The following RP1L1 variants were observed in gnomAD, a reference collection of about 807,000 sequenced individuals.
RP1L1 encodes the protein retinitis pigmentosa 1-like 1 protein.
Under a neutral mutation model 15.7 loss-of-function variants are expected in RP1L1, and 27 were observed. The observed-to-expected ratio is 1.72, with a 90% CI of 1.27 to 2.38. The LOEUF (loss-of-function observed/expected upper bound fraction) is 2.38, where lower values mean the gene tolerates loss of function less well. RP1L1 is among the 30% of genes most tolerant of loss of function. The probability of loss-of-function intolerance (pLI) is 0.00; values close to 1 mark genes in which losing one functional copy is unlikely to be tolerated. For synonymous variants in RP1L1, 1,813 were observed against 1,276.7 expected (o/e 1.42, Z -8.96); for missense variants, 4,798 against 3,075.9 (o/e 1.56, Z -13.24).
At chr8:10,637,307 T>C (rs993126391) in intron 1 of RP1L1, among the ~76,000 whole-genome samples, 5 of 152,198 alleles carry the variant, frequency 3.3e-5, no homozygotes, top group African/African-American at 1.2e-4. Context: ...AGCACAGGAT[T>C]TCCTCCAGTA....
At chr8:10,637,898 C>G (rs887138237) in intron 1 of RP1L1, among the ~76,000 whole-genome samples, 1 of 152,212 alleles carries the variant, frequency 6.6e-6, no homozygotes, top group Non-Finnish European at 1.5e-5. Flanking sequence ...TTTCAGGACT[C>G]TGTATCCTTC....
In RP1L1 at chr8:10,618,663, A is replaced by G. The variant is rs535141480; in HGVS notation, c.610-2076T>C. On this transcript the variant is annotated intron_variant, in intron 2 of 3. Transcript: ENST00000382483. ...GCTGAGATTGGGCCACAGCACTCCAAACTGGGCAACAGAACCAGACCCTGT... is the reference window on the plus strand; with the variant it reads ...GCTGAGATTGGGCCACAGCACTCCAGACTGGGCAACAGAACCAGACCCTGT... Among the ~76,000 whole-genome samples, 30 of 152,264 alleles carry G rather than the reference A, an allele frequency of 2.0e-4. 1 individual carries two copies. Among genetic ancestry groups the G allele is most frequent in the African/African-American group, 7.2e-4 (30 of 41,544 alleles).
intron 1 of RP1L1, among the ~76,000 whole-genome samples, chr8:10,629,492 G>C (rs1474019357): frequency 2.6e-5 from 4 of 152,184 alleles, no homozygotes; most frequent in Non-Finnish European, 5.9e-5. Flanking sequence ...GGATTGGCCA[G>C]GGTTTCCTTG....
At position 10,622,679 on chromosome 8, in the gene RP1L1, T is replaced by A; in HGVS notation, c.523A>T (p.Thr175Ser). Reference sequence around the variant, plus strand: ...CCGAGAAAGGCGGCCAGGTTCCTAGTATTCCTGTGACTGAGAACCACTGTC... The same window carrying A: ...CCGAGAAAGGCGGCCAGGTTCCTAGAATTCCTGTGACTGAGAACCACTGTC... ...QQTVVLSHRN[T>S]RNLAAFLGKA... Residue 175 changes from threonine (T) to serine (S), a missense_variant, in exon 2 of 4, where the codon ACT becomes TCT. Thr to Ser is a moderately conservative substitution (Grantham distance 58, BLOSUM62 1). Transcript: ENST00000382483. The A allele has an allele frequency of 1.2e-6, 2 of 1,614,176 alleles. No homozygotes were observed. The highest frequency in any genetic ancestry group is 1.7e-6 in the Non-Finnish European group (2 of 1,180,028).
In RP1L1 at chr8:10,606,968, G is replaced by C; in HGVS notation, c.7130C>G (p.Ala2377Gly). The C allele has an allele frequency of 1.2e-6, 2 of 1,614,224 alleles. No individual in the cohort carries two copies. The highest frequency in any genetic ancestry group is 8.5e-7 in the Non-Finnish European group (1 of 1,180,036). ...SEGYDLQEDQALGSLAPTEAV... is the reference protein window; with the variant it reads ...SEGYDLQEDQGLGSLAPTEAV... ...CTCAGTGGGGGCGAGACTTCCGAGT[G>C]CCTGGTCCTCTTGTAGGTCATAACC... The change falls in exon 4 of 4, where the codon GCA becomes GGA. Residue 2377 changes from alanine (A) to glycine (G), a missense_variant. Physicochemically the swap from Ala to Gly is moderately conservative, Grantham distance 60. Transcript: ENST00000382483.
At position 10,609,020 on chromosome 8, in the gene RP1L1, A is replaced by C; in HGVS notation, c.5078T>G (p.Leu1693Arg). ...AGTGTGTTCTCCCCTCTTCCTCTGC[A>C]GAATCTGCTGCAGGTCAAAGGCCTC... ...IKEAFDLQQILQRKRGEHTDG... is the reference protein window; with the variant it reads ...IKEAFDLQQIRQRKRGEHTDG... The change falls in exon 4 of 4, where the codon CTG (leucine) becomes CGG (arginine). Residue 1693 changes from leucine to arginine, a missense_variant. Physicochemically the swap from Leu to Arg is moderately radical, Grantham distance 102. Coordinates refer to ENST00000382483, the MANE Select transcript of RP1L1 (RefSeq NM_178857.6). 1 of 1,613,522 alleles carries C rather than the reference A, an allele frequency of 6.2e-7. No individual in the cohort carries two copies. Among genetic ancestry groups the C allele is most frequent in the Non-Finnish European group, 8.5e-7 (1 of 1,179,502 alleles).
At position 10,612,301 on chromosome 8, in the gene RP1L1, C is replaced by G; in HGVS notation, c.1797G>C (p.Glu599Asp). 6.2e-7 allele frequency: 1 copy of G among 1,613,252 alleles called. No homozygotes were observed. Among genetic ancestry groups the G allele is most frequent in the Non-Finnish European group, 8.5e-7 (1 of 1,180,028 alleles). Residue 599 changes from glutamate (E) to aspartate (D), a missense_variant, in exon 4 of 4, where the codon GAG becomes GAC. By Grantham distance (45) the Glu-to-Asp change is conservative. Coordinates refer to ENST00000382483, the MANE Select transcript of RP1L1 (RefSeq NM_178857.6). ...LQAETQGQGT[E>D]QATGAAVTRE... Reference sequence around the variant, plus strand: ...TTGTCACAGCCGCTCCCGTGGCCTGCTCGGTGCCCTGTCCTTGCGTCTCTG... The same window carrying G: ...TTGTCACAGCCGCTCCCGTGGCCTGGTCGGTGCCCTGTCCTTGCGTCTCTG...
intron 1 of RP1L1, among the ~76,000 whole-genome samples, chr8:10,630,814 A>G (rs1294648779): frequency 6.6e-6 from 1 of 152,258 alleles, no homozygotes; most frequent in Admixed American, 6.5e-5. Context: ...AACACTGGAC[A>G]TGATGGAATG....
chr8:10,632,694 G>A (rs566803204), intron 1 of RP1L1, among the ~76,000 whole-genome samples: 1 of 152,330 alleles, frequency 6.6e-6, no homozygotes, highest in Admixed American at 6.5e-5. Flanking sequence ...GTAGGTGCTC[G>A]GGAACTATTT....
At position 10,610,287 on chromosome 8, in the gene RP1L1, T is replaced by G; in HGVS notation, c.3811A>C (p.Thr1271Pro). The G allele has an allele frequency of 6.2e-7, 1 of 1,614,188 alleles. No homozygotes were observed. The highest frequency in any genetic ancestry group is 8.5e-7 in the Non-Finnish European group (1 of 1,180,038). ...TCTCTTTCTGCTTCATCCTCATTGGTGGCACAAGCGCAGGCTCGGGCGTTC... is the reference window on the plus strand; with the variant it reads ...TCTCTTTCTGCTTCATCCTCATTGGGGGCACAAGCGCAGGCTCGGGCGTTC... The part of the protein sequence containing the change: ...FLNARACACA[T>P]NEDEAERDSE... Residue 1271 changes from threonine to proline, a missense_variant, in exon 4 of 4, where the codon ACC becomes CCC. Coordinates refer to ENST00000382483, the MANE Select transcript of RP1L1 (RefSeq NM_178857.6).
intron 1 of RP1L1, among the ~76,000 whole-genome samples, chr8:10,652,260 A>C (rs1265248822): frequency 1.3e-5 from 2 of 152,232 alleles, no homozygotes; most frequent in African/African-American, 4.8e-5. Flanking sequence ...TTTTAGGATC[A>C]AGAAGCAGGG....
chr8:10,626,497 G>A (rs951562248), intron 1 of RP1L1, among the ~76,000 whole-genome samples: 4 of 152,294 alleles, frequency 2.6e-5, no homozygotes, highest in Non-Finnish European at 4.4e-5. Context: ...TCCTTTGCAC[G>A]CTCTCCACCA....
intron 1 of RP1L1, among the ~76,000 whole-genome samples, chr8:10,641,379 T>C (rs1198449131): frequency 6.6e-6 from 1 of 152,180 alleles, no homozygotes; most frequent in Non-Finnish European, 1.5e-5. Flanking sequence ...TGACCTTGTA[T>C]CAATGAGAAA....
Position 10,609,521 on chromosome 8 carries a change from G to A in RP1L1, c.4577C>T (p.Thr1526Met), listed in dbSNP as rs267601688. The A allele has an allele frequency of 8.1e-5, 131 of 1,608,426 alleles. 1 individual carries two copies. In the South Asian group the frequency reaches 9.2e-4, roughly 11 times the overall value. Residue 1526 changes from threonine to methionine, a missense_variant, in exon 4 of 4, where the codon ACG (threonine) becomes ATG (methionine). Thr to Met is a moderately conservative substitution (Grantham distance 81). Coordinates refer to ENST00000382483, the MANE Select transcript of RP1L1 (RefSeq NM_178857.6). ...AAGGTGGGCCAGGAAGGCCTTCTCC[G>A]TCTTCTTCAGTAACACGGACACCCA... ...PIWVSVLLKK[T>M]EKAFLAHLAS... is the part of the protein sequence containing the mutation.
Position 10,611,150 on chromosome 8 carries a change from G to A in RP1L1, c.2948C>T (p.Ala983Val). Residue 983 changes from alanine (A) to valine (V), a missense_variant, in exon 4 of 4, where the codon GCT becomes GTT. Coordinates refer to ENST00000382483, the MANE Select transcript of RP1L1 (RefSeq NM_178857.6). The stretch of plus-strand genomic sequence containing the variant: ...CTCGGGGCCTCTCAGGCCACCCCCA[G>A]CTGCACCTGTGGTCTCGTCCGCCAA... ...YELADETTGA[A>V]GGGLRGPEVD... 2.5e-6 allele frequency: 4 copies of A among 1,612,928 alleles called. No individual in the cohort carries two copies. In the South Asian group the frequency reaches 3.3e-5, roughly 13 times the overall value.
chr8:10,634,716 G>A (rs933212916), intron 1 of RP1L1, among the ~76,000 whole-genome samples: 4 of 152,152 alleles, frequency 2.6e-5, no homozygotes, highest in Non-Finnish European at 4.4e-5. Flanking sequence ...CTGCTGCAGT[G>A]GCTGCTATTC....
chr8:10,625,365 C>T (rs779597401), intron 1 of RP1L1, among the ~76,000 whole-genome samples: 5 of 152,228 alleles, frequency 3.3e-5, no homozygotes, highest in Admixed American at 6.5e-5. Flanking sequence ...GGCGTGAGTC[C>T]AGGAACCTGG....
At chr8:10,614,455 T>A (rs982327552) in intron 3 of RP1L1, among the ~76,000 whole-genome samples, 3 of 149,556 alleles carry the variant, frequency 2.0e-5, no homozygotes, top group Non-Finnish European at 1.5e-5. Context: ...AGGTCAGGAG[T>A]TCAAGACCAG....
At chr8:10,626,360 A>G (rs140332357) in intron 1 of RP1L1, among the ~76,000 whole-genome samples, 2 of 152,308 alleles carry the variant, frequency 1.3e-5, no homozygotes, top group Non-Finnish European at 2.9e-5. Flanking sequence ...GGGCTGATCA[A>G]TATCACACGC....
Sources: allele counts gnomAD v4.1 joint callset (sites outside exome capture counted in the v4.1 genomes callset), GRCh38; gene constraint gnomAD v4.1.1; transcripts MANE v1.5; gene names NCBI Gene and HGNC (gene_info 2026-07-23, HGNC 2026-07-21).